AMT: variants seen among roughly 807,000 people sequenced by gnomAD.
AMT encodes aminomethyltransferase.
Under a neutral mutation model 39.5 loss-of-function variants are expected in AMT, and 24 were observed. That is an observed-to-expected ratio of 0.61 (90% CI 0.44 to 0.86). The LOEUF is 0.86. Among genes scored for constraint, AMT ranks in the 40% least tolerant of loss-of-function variants. The probability of loss-of-function intolerance (pLI) is 0.00; values close to 1 mark genes in which losing one functional copy is unlikely to be tolerated. For synonymous variants in AMT, 210 were observed against 212.1 expected, an observed-to-expected ratio of 0.99 and a Z score of 0.09; for missense variants, 501 against 537.0, an observed-to-expected ratio of 0.93 and a Z score of 0.66.
intron 4 of AMT, 130 bp downstream of exon 4, chr3:49,420,081 C>T: frequency 8.0e-7 from 1 of 1,255,804 alleles, no homozygotes. Flanking sequence ...GCTCTTGAGT[C>T]TCATAGCTGT....
chr3:49,419,465 A>G, intron 5 of AMT, 60 bp from the exon 6 acceptor site: 1 of 1,594,792 alleles, frequency 6.3e-7, no homozygotes, highest in Admixed American at 1.8e-5. Context: ...AAGCTGGACT[A>G]AAGCCTTATT....
At position 49,416,993 on chromosome 3, in the gene AMT, A is replaced by T; in HGVS notation, c.*547T>A. On this transcript the variant is annotated 3_prime_UTR_variant, in exon 9 of 9. Coordinates refer to ENST00000273588, the MANE Select transcript of AMT (RefSeq NM_000481.4). ...CTTGGGAATGTGGAAGAGTGAGTCTATGTTCCCTCAGCCATCCCCAAGTTT... is the reference window on the plus strand; with the variant it reads ...CTTGGGAATGTGGAAGAGTGAGTCTTTGTTCCCTCAGCCATCCCCAAGTTT... 2.0e-6 allele frequency: 1 copy of T among 495,764 alleles called. No individual in the cohort carries two copies. Among genetic ancestry groups the T allele is most frequent in the South Asian group, 1.5e-5 (1 of 64,872 alleles). The allele number at this position is 495,764 out of a possible 1,614,324, so 30.7% of individuals were successfully genotyped here.
intron 1 of AMT, 31 bp downstream of exon 1, chr3:49,422,330 C>T (rs1156299532): frequency 1.2e-6 from 2 of 1,613,796 alleles, no homozygotes; most frequent in Non-Finnish European, 1.7e-6. Context: ...TTCCCTCCCC[C>T]ACCCTCCAAG....
At chr3:49,419,494 C>G (rs2049062707) in intron 5 of AMT, 89 bp from the exon 6 acceptor site, 3 of 1,566,704 alleles carry the variant, frequency 1.9e-6, no homozygotes, top group Non-Finnish European at 2.6e-6. Context: ...AGAACAAGCC[C>G]TGAGCATGTC....
chr3:49,420,228 C>T lies in AMT; in HGVS notation c.454G>A (p.Asp152Asn), dbSNP rs758397555. ...VVSNAGCWEK[D>N]LALMQDKVRE... ...GGGTATACCTGCATGAGGGCCAAAT[C>T]TTTCTCCCAGCAGCCAGCGTTGGAC... Residue 152 changes from aspartate (D) to asparagine (N), a missense_variant, in exon 4 of 9, where the codon GAT (aspartate) becomes AAT (asparagine). Asp to Asn is a conservative substitution (Grantham distance 23). Coordinates refer to ENST00000273588, the MANE Select transcript of AMT (RefSeq NM_000481.4). 1.2e-6 allele frequency: 2 copies of T among 1,614,182 alleles called. No homozygotes were observed. Among genetic ancestry groups the T allele is most frequent in the South Asian group, 2.2e-5 (2 of 91,090 alleles).
In AMT at chr3:49,417,091, C is replaced by T. The variant is rs748659537; in HGVS notation, c.*449G>A. On this transcript the variant is annotated 3_prime_UTR_variant, in exon 9 of 9. Coordinates refer to ENST00000273588, the MANE Select transcript of AMT (RefSeq NM_000481.4). Reference sequence around the variant, plus strand: ...TTGCAGTAAGGACAATTTGCATTTACGGAAAGCAAACTGGAGGGGGTAGCC... The same window carrying T: ...TTGCAGTAAGGACAATTTGCATTTATGGAAAGCAAACTGGAGGGGGTAGCC... 4 of 692,960 alleles carry T rather than the reference C, an allele frequency of 5.8e-6. No individual in the cohort carries two copies. Among genetic ancestry groups the T allele is most frequent in the Admixed American group, 2.0e-5 (1 of 49,020 alleles). 42.9% of individuals were successfully genotyped at this position (692,960 alleles called of 1,614,324 possible).
intron 4 of AMT, 132 bp downstream of exon 4, chr3:49,420,079 G>T: frequency 8.1e-7 from 1 of 1,235,620 alleles, no homozygotes; most frequent in Non-Finnish European, 1.2e-6. Context: ...CTGCTCTTGA[G>T]TCTCATAGCT....
chr3:49,419,198 A>AC (rs752430415), intron 6 of AMT, 47 bp from the exon 7 acceptor site: 1 of 1,611,332 alleles, frequency 6.2e-7, no homozygotes, highest in South Asian at 1.1e-5. Context: ...TGTACCACAT[A>AC]CCCCCAACCC....
intron 7 of AMT, chr3:49,418,193 T>C: frequency 1.7e-6 from 1 of 592,202 alleles, no homozygotes; most frequent in Non-Finnish European, 3.0e-6. Context: ...GTTTCTTTTT[T>C]TTTTTTTTGA....
Position 49,420,228 on chromosome 3 carries a change from C to G in AMT, c.454G>C (p.Asp152His). 1 of 1,614,182 alleles carries G rather than the reference C, an allele frequency of 6.2e-7. No homozygotes were observed. The highest frequency in any genetic ancestry group is 8.5e-7 in the Non-Finnish European group (1 of 1,179,994). ...VVSNAGCWEKDLALMQDKVRE... is the reference protein window; with the variant it reads ...VVSNAGCWEKHLALMQDKVRE... ...GGGTATACCTGCATGAGGGCCAAAT[C>G]TTTCTCCCAGCAGCCAGCGTTGGAC... The change falls in exon 4 of 9, where the codon GAT becomes CAT. Residue 152 changes from aspartate (D) to histidine (H), a missense_variant. By Grantham distance (81) the Asp-to-His change is moderately conservative. Transcript: ENST00000273588.
chr3:49,417,769 A>G (rs754720687), intron 8 of AMT, 49 bp downstream of exon 8: 2 of 1,613,820 alleles, frequency 1.2e-6, no homozygotes, highest in Non-Finnish European at 1.7e-6. Flanking sequence ...CAGTGCCCCC[A>G]CCCTCCTGGG....
rs755978333 is a variant in AMT at position 49,419,328 on chromosome 3, TC to T, written c.627del (p.Met210TrpfsTer11). The T allele has an allele frequency of 4.3e-6, 7 of 1,614,140 alleles. No individual in the cohort carries two copies. The highest frequency in any genetic ancestry group is 5.9e-6 in the Non-Finnish European group (7 of 1,180,024). ...CAGCCAGACACGCCAAACACCTCCA[TC>T]ACAGCACTGGTCATGAAGGGCAGTT... is the stretch of plus-strand genomic sequence containing the variant. ...LRKLPFMTSAVMEVFGVSGCR... is the reference protein window; with the variant it reads ...LRKLPFMTSAXMEVFGVSGCR... On this transcript the variant is annotated frameshift_variant, in exon 6 of 9. Coordinates refer to ENST00000273588, the MANE Select transcript of AMT (RefSeq NM_000481.4). LOFTEE classifies it high-confidence loss of function.
chr3:49,419,603 C>G (rs1445077351), intron 5 of AMT, 107 bp downstream of exon 5: 1 of 1,445,272 alleles, frequency 6.9e-7, no homozygotes, highest in Admixed American at 1.7e-5. Flanking sequence ...TTATGGCACA[C>G]AAATATCACA....
At chr3:49,419,908 AAAAG>A in intron 4 of AMT, 120 bp from the exon 5 acceptor site, 3 of 1,014,360 alleles carry the variant, frequency 3.0e-6, no homozygotes, top group South Asian at 2.5e-5. Flanking sequence ...GGAGGAAAAA[AAAAG>A]GTAGTAGGCT....
intron 2 of AMT, chr3:49,421,877 A>G: frequency 1.4e-6 from 1 of 739,714 alleles, no homozygotes; most frequent in Non-Finnish European, 2.4e-6. Flanking sequence ...AACCCGGGAC[A>G]TTAAGGCACA....
At chr3:49,419,881 G>A (rs2049069446) in intron 4 of AMT, 93 bp from the exon 5 acceptor site, 2 of 1,230,978 alleles carry the variant, frequency 1.6e-6, no homozygotes, top group Non-Finnish European at 2.4e-6. Flanking sequence ...TAGGACAGTG[G>A]AGAGGAGGAG....
In AMT at chr3:49,418,060, A is replaced by G. The variant is rs927471652; in HGVS notation, c.878-87T>C. 20 of 1,491,604 alleles carry G rather than the reference A, an allele frequency of 1.3e-5. No homozygotes were observed. In the African/African-American group the frequency reaches 2.4e-4, roughly 18 times the overall value. The allele number at this position is 1,491,604 out of a possible 1,614,324, so 92.4% of individuals were successfully genotyped here. The stretch of plus-strand genomic sequence containing the variant: ...TTATGAGGTCCTCAAGTAACACACT[A>G]TCTAGCATCAAGGCCCCTTTGCTTG... On this transcript the variant is annotated intron_variant, in intron 7 of 8. Transcript: ENST00000273588.
rs553770473 is a variant in AMT, at chr3:49,417,155, G to A, written c.*385C>T. On this transcript the variant is annotated 3_prime_UTR_variant, in exon 9 of 9. Coordinates refer to ENST00000273588, the MANE Select transcript of AMT (RefSeq NM_000481.4). The stretch of plus-strand genomic sequence containing the variant: ...CCCATGTTATTACCCTTTGCAATGT[G>A]AAAAACCATGGTGAGGTAGGTTGGG... 1 of 1,014,490 alleles carries A rather than the reference G, an allele frequency of 9.9e-7. No homozygotes were observed. Among genetic ancestry groups the A allele is most frequent in the South Asian group, 1.4e-5 (1 of 73,678 alleles). 62.8% of individuals were successfully genotyped at this position (1,014,490 alleles called of 1,614,324 possible).
chr3:49,421,029 C>A, intron 3 of AMT: 1 of 256,662 alleles, frequency 3.9e-6, no homozygotes, highest in Non-Finnish European at 7.7e-6. Context: ...CTCAGCCTCC[C>A]GAGTAGCTGG....
Sources: allele counts gnomAD v4.1 joint callset, GRCh38; gene constraint gnomAD v4.1.1; transcripts MANE v1.5; gene names NCBI Gene and HGNC (gene_info 2026-07-23, HGNC 2026-07-21).